Variants in GPC6 observed in about 807,000 individuals in gnomAD.
The protein encoded by GPC6 is glypican 6.
In GPC6, 14 loss-of-function variants were observed where a neutral mutation model predicts 55.2. The ratio of observed to expected loss-of-function variants is 0.25; its 90% CI spans 0.17 to 0.40. GPC6 has a LOEUF of 0.40. GPC6 is among the 10% of genes least tolerant of loss of function. The probability of loss-of-function intolerance (pLI) is 1.00; values close to 1 mark genes in which losing one functional copy is unlikely to be tolerated. For synonymous variants in GPC6, 278 were observed against 259.6 expected (o/e 1.07, Z -0.68); for missense variants, 641 against 708.5 (o/e 0.90, Z 1.08).
chr13:93,450,505 T>C (rs937797497), intron 1 of GPC6, among the ~76,000 whole-genome samples: 1 of 152,242 alleles, frequency 6.6e-6, no homozygotes, highest in Non-Finnish European at 1.5e-5. Context: ...AAAACTTCAG[T>C]ACTTGTTGCT....
chr13:94,017,070 T>A (rs1882496564), intron 3 of GPC6, among the ~76,000 whole-genome samples: 1 of 152,146 alleles, frequency 6.6e-6, no homozygotes. Flanking sequence ...CCTGAACTCG[T>A]GATCCACCCG....
chr13:94,353,140 G>A (rs1878633876), intron 6 of GPC6, among the ~76,000 whole-genome samples: 1 of 152,170 alleles, frequency 6.6e-6, no homozygotes, highest in Non-Finnish European at 1.5e-5. Context: ...AAGGAAGGGA[G>A]GGAGACATGA....
intron 1 of GPC6, among the ~76,000 whole-genome samples, chr13:93,381,299 T>A (rs1275689978): frequency 1.3e-5 from 2 of 152,136 alleles, no homozygotes; most frequent in African/African-American, 2.4e-5. Context: ...ACTGATAGTG[T>A]CATTGCTCAA....
chr13:93,809,140 C>T (rs1886624595), intron 2 of GPC6, among the ~76,000 whole-genome samples: 1 of 152,192 alleles, frequency 6.6e-6, no homozygotes, highest in South Asian at 2.1e-4. Context: ...CTTGTAACTA[C>T]CTGGCAAATA....
At chr13:94,114,173 A>C (rs1886352243) in intron 4 of GPC6, among the ~76,000 whole-genome samples, 1 of 151,314 alleles carries the variant, frequency 6.6e-6, no homozygotes, top group African/African-American at 2.4e-5. Context: ...AAAAAATTCT[A>C]AGAAAGGTAA....
chr13:94,011,497 G>C (rs897939420), intron 3 of GPC6, among the ~76,000 whole-genome samples: 1 of 152,004 alleles, frequency 6.6e-6, no homozygotes, highest in African/African-American at 2.4e-5. Context: ...CCCATCCCCA[G>C]AACTCTTGGG....
chr13:94,121,880 A>G (rs1449819132), intron 4 of GPC6, among the ~76,000 whole-genome samples: 1 of 152,096 alleles, frequency 6.6e-6, no homozygotes, highest in South Asian at 2.1e-4. Flanking sequence ...TCCTTGGGCT[A>G]CTGTGCTCCT....
chr13:93,437,517 A>C (rs72640517), intron 1 of GPC6, among the ~76,000 whole-genome samples: 23,210 of 152,238 alleles, frequency 0.15, 2,368 homozygotes, highest in East Asian at 0.48. Flanking sequence ...AGAAGGTTTC[A>C]GTGGTCTGGA....
the GPC6 span, among the ~76,000 whole-genome samples, chr13:93,221,265 T>C: frequency 1.3e-5 from 2 of 152,224 alleles, no homozygotes; most frequent in South Asian, 2.1e-4. Flanking sequence ...TAAGATTATA[T>C]GGAATATTTT....
intron 1 of GPC6, among the ~76,000 whole-genome samples, chr13:93,461,809 C>T (rs1878702684): frequency 6.6e-6 from 1 of 152,138 alleles, no homozygotes. Flanking sequence ...CGTTCATAAC[C>T]TCATATCATG....
intron 4 of GPC6, among the ~76,000 whole-genome samples, chr13:94,126,138 G>A (rs1025325563): frequency 3.6e-4 from 55 of 152,236 alleles, no homozygotes; most frequent in African/African-American, 1.3e-3. Flanking sequence ...AACACTTTGG[G>A]AGAGGCAGAG....
At chr13:93,519,506 C>T (rs533892473) in intron 1 of GPC6, among the ~76,000 whole-genome samples, 1 of 151,960 alleles carries the variant, frequency 6.6e-6, no homozygotes, top group Non-Finnish European at 1.5e-5. Flanking sequence ...ATAATAATGT[C>T]TGAGTTGATG....
At chr13:93,651,946 A>AGGGAGGAAT (rs1182451687) in intron 2 of GPC6, among the ~76,000 whole-genome samples, 3 of 152,174 alleles carry the variant, frequency 2.0e-5, no homozygotes, top group African/African-American at 7.2e-5. Context: ...AGGTGATTCC[A>AGGGAGGAAT]CTGTGCAGCC....
chr13:93,611,673 A>T (rs1878466667), intron 2 of GPC6, among the ~76,000 whole-genome samples: 1 of 152,182 alleles, frequency 6.6e-6, no homozygotes, highest in African/African-American at 2.4e-5. Context: ...TGTAGAACAA[A>T]GTAGTACTTT....
At chr13:94,184,979 A>T (rs918092424) in intron 4 of GPC6, among the ~76,000 whole-genome samples, 2 of 152,210 alleles carry the variant, frequency 1.3e-5, no homozygotes. Context: ...GAATGAAATC[A>T]TGTCCTTTGC....
intron 1 of GPC6, among the ~76,000 whole-genome samples, chr13:93,359,838 CA>C (rs1880983965): frequency 6.6e-6 from 1 of 151,992 alleles, no homozygotes; most frequent in Non-Finnish European, 1.5e-5. Context: ...ATAATCTGAA[CA>C]TTTTTTTTAA....
rs886931418 is a variant in GPC6, at chr13:93,243,358, G to GT, written c.160+15750dup. Among the ~76,000 whole-genome samples the GT allele has an allele frequency of 2.4e-4, 37 of 151,962 alleles. No individual in the cohort carries two copies. The South Asian group carries it at 4.2e-3, about 17-fold the overall frequency. On this transcript the variant is annotated intron_variant, in intron 1 of 8. Coordinates refer to ENST00000377047, the MANE Select transcript of GPC6 (RefSeq NM_005708.5). ...GGTTATTCACATTCACCTGTAATTCGTTTTTTTTGTTGTTGTTGTTCTGAA... is the reference window on the plus strand; with the variant it reads ...GGTTATTCACATTCACCTGTAATTCGTTTTTTTTTGTTGTTGTTGTTCTGAA...
At chr13:93,916,211 G>A (rs1166377903) in intron 3 of GPC6, among the ~76,000 whole-genome samples, 4 of 151,970 alleles carry the variant, frequency 2.6e-5, no homozygotes, top group Non-Finnish European at 4.4e-5. Context: ...GCCTTGCTTC[G>A]GGCTTGTATC....
chr13:93,822,079 C>T (rs916002670), intron 2 of GPC6, among the ~76,000 whole-genome samples: 6 of 151,280 alleles, frequency 4.0e-5, no homozygotes, highest in African/African-American at 1.5e-4. Context: ...GCATAAAATA[C>T]ATAATATGAT....
Sources: allele counts gnomAD v4.1 joint callset (sites outside exome capture counted in the v4.1 genomes callset), GRCh38; gene constraint gnomAD v4.1.1; transcripts MANE v1.5; gene names NCBI Gene and HGNC (gene_info 2026-07-23, HGNC 2026-07-21).